MAGI2: variants seen among roughly 807,000 people sequenced by gnomAD.
The protein encoded by MAGI2 is membrane associated guanylate kinase, WW and PDZ domain containing 2.
MAGI2 carries 35 observed loss-of-function variants against 133.3 expected under a neutral mutation model. The observed-to-expected ratio is 0.26, with a 90% CI of 0.20 to 0.35. The LOEUF (loss-of-function observed/expected upper bound fraction) is 0.35. Ranked by LOEUF, MAGI2 falls within the 10% of genes least tolerant of loss-of-function variation. MAGI2 has a pLI of 1.00. For synonymous variants in MAGI2, 729 were observed against 710.6 expected (o/e 1.03, Z -0.41); for missense variants, 1,636 against 1,863.4 (o/e 0.88, Z 2.25).
intron 3 of MAGI2, among the ~76,000 whole-genome samples, chr7:78,541,621 CAGT>C (rs1798419107): frequency 6.6e-6 from 1 of 152,172 alleles, no homozygotes; most frequent in Non-Finnish European, 1.5e-5. Context: ...GCAACAGCAG[CAGT>C]GTCACCTGGG....
intron 2 of MAGI2, among the ~76,000 whole-genome samples, chr7:78,781,447 T>A (rs139030755): frequency 4.7e-5 from 7 of 148,778 alleles, no homozygotes; most frequent in South Asian, 2.1e-4. Flanking sequence ...GTAAAAAAAA[T>A]TTGCATAAAG....
At position 79,113,811 on chromosome 7, in the gene MAGI2, T is replaced by TACACACAC. The variant is rs3047688; in HGVS notation, c.302-106613_302-106606dup. 4.2e-3 allele frequency among the ~76,000 whole-genome samples: 626 copies of TACACACAC among 148,986 alleles called. 4 individuals are homozygous for TACACACAC. The highest frequency in any genetic ancestry group is 0.01 in the African/African-American group (424 of 40,674). On this transcript the variant is annotated intron_variant, in intron 1 of 21. Transcript: ENST00000354212. ...ATAATCTCCTCCTATTACACACGCTTACACACACACACACACACACACACA... is the reference window on the plus strand; with the variant it reads ...ATAATCTCCTCCTATTACACACGCTTACACACACACACACACACACACACACACACACA...
intron 1 of MAGI2, among the ~76,000 whole-genome samples, chr7:79,025,050 A>G (rs953193087): frequency 1.3e-5 from 2 of 152,320 alleles, no homozygotes; most frequent in Non-Finnish European, 2.9e-5. Context: ...AGAGACACAT[A>G]TGCATATGTT....
At chr7:78,521,823 T>C (rs1796532979) in intron 3 of MAGI2, among the ~76,000 whole-genome samples, 178 bp from the exon 4 acceptor site, 1 of 152,168 alleles carries the variant, frequency 6.6e-6, no homozygotes, top group Non-Finnish European at 1.5e-5. Context: ...TATACATATT[T>C]ATTTGTTCCT....
chr7:78,564,906 G>C (rs1306723193), intron 3 of MAGI2, among the ~76,000 whole-genome samples: 3 of 139,178 alleles, frequency 2.2e-5, no homozygotes, highest in Non-Finnish European at 4.5e-5. Flanking sequence ...CCATTCTCCT[G>C]CCTGAGCCTC....
chr7:78,154,628 G>A (rs1824208312), intron 16 of MAGI2, among the ~76,000 whole-genome samples: 2 of 152,060 alleles, frequency 1.3e-5, no homozygotes, highest in South Asian at 4.1e-4. Context: ...CGATACCCAA[G>A]CTGCCATGTG....
intron 6 of MAGI2, among the ~76,000 whole-genome samples, chr7:78,463,951 G>A (rs900970656): frequency 4.6e-5 from 7 of 152,116 alleles, no homozygotes; most frequent in Admixed American, 1.3e-4. Context: ...AAGTAGGGAA[G>A]CAGATGAACA....
chr7:78,222,496 G>A (rs1250326790), intron 10 of MAGI2, among the ~76,000 whole-genome samples: 1 of 152,210 alleles, frequency 6.6e-6, no homozygotes, highest in Non-Finnish European at 1.5e-5. Flanking sequence ...TACAAATGAA[G>A]TAACTGCAGA....
intron 1 of MAGI2, among the ~76,000 whole-genome samples, chr7:79,045,616 C>T (rs1366673173): frequency 6.6e-6 from 1 of 152,104 alleles, no homozygotes; most frequent in Non-Finnish European, 1.5e-5. Context: ...CACAGTGAAA[C>T]CCCATCTCTA....
chr7:78,215,325 G>T (rs575465202), intron 10 of MAGI2, among the ~76,000 whole-genome samples: 1 of 152,262 alleles, frequency 6.6e-6, no homozygotes, highest in Admixed American at 6.5e-5. Flanking sequence ...TAAGGCTGAG[G>T]AAGTATCTGT....
chr7:78,938,813 T>C (rs1036299012), intron 2 of MAGI2, among the ~76,000 whole-genome samples: 2 of 152,340 alleles, frequency 1.3e-5, no homozygotes, highest in South Asian at 4.1e-4. Context: ...TAGGACATTG[T>C]CTTTGCCTTT....
chr7:79,070,518 A>G (rs910293044), intron 1 of MAGI2, among the ~76,000 whole-genome samples: 2 of 151,048 alleles, frequency 1.3e-5, no homozygotes, highest in Non-Finnish European at 3.0e-5. Flanking sequence ...TTGAGACAGA[A>G]TCTTGCTCTG....
chr7:79,263,455 G>T (rs1047928436), intron 1 of MAGI2, among the ~76,000 whole-genome samples: 1 of 151,994 alleles, frequency 6.6e-6, no homozygotes, highest in East Asian at 1.9e-4. Flanking sequence ...ATAACTAAAA[G>T]AATCTCTGTA....
At chr7:78,985,027 G>T (rs1170660906) in intron 2 of MAGI2, among the ~76,000 whole-genome samples, 8 of 148,882 alleles carry the variant, frequency 5.4e-5, no homozygotes, top group Non-Finnish European at 7.4e-5. Flanking sequence ...AATGAGTTTG[G>T]GTCTTGTTCT....
At chr7:78,161,122 C>T (rs1391433717) in intron 15 of MAGI2, among the ~76,000 whole-genome samples, 1 of 152,118 alleles carries the variant, frequency 6.6e-6, no homozygotes, top group African/African-American at 2.4e-5. Context: ...AAGGTCTTTT[C>T]CATTTTTACA....
intron 1 of MAGI2, among the ~76,000 whole-genome samples, chr7:79,226,753 A>G (rs1830895926): frequency 6.6e-6 from 1 of 152,150 alleles, no homozygotes; most frequent in Admixed American, 6.5e-5. Context: ...TCATAGTATT[A>G]TAGTGAAATT....
At chr7:79,273,736 C>A (rs1419898785) in intron 1 of MAGI2, among the ~76,000 whole-genome samples, 2 of 151,784 alleles carry the variant, frequency 1.3e-5, no homozygotes, top group African/African-American at 4.8e-5. Flanking sequence ...TATCTCCTTG[C>A]CCCCAAATTT....
At chr7:78,675,002 G>T (rs1160108919) in intron 2 of MAGI2, among the ~76,000 whole-genome samples, 1 of 152,122 alleles carries the variant, frequency 6.6e-6, no homozygotes, top group Non-Finnish European at 1.5e-5. Flanking sequence ...TTTTCAATTA[G>T]ATTAAACTGA....
intron 1 of MAGI2, among the ~76,000 whole-genome samples, chr7:79,171,764 A>ATTTTT (rs1327816263): frequency 1.6e-4 from 4 of 24,792 alleles, no homozygotes; most frequent in Non-Finnish European, 5.1e-4. Flanking sequence ...ATATATATAT[A>ATTTTT]TATATATTTT....
Sources: gnomAD v4.1 joint callset for allele counts (sites outside exome capture counted in the v4.1 genomes callset) on GRCh38, gnomAD v4.1.1 for gene constraint, MANE v1.5 for transcripts, NCBI Gene and HGNC (gene_info 2026-07-23, HGNC 2026-07-21) for gene names.